The following TAFA1 variants were observed in gnomAD, a reference collection of about 807,000 sequenced individuals.
TAFA1 encodes the protein TAFA chemokine like family member 1, also known as chemokine-like protein TAFA-1.
In TAFA1, 4 loss-of-function variants were observed where a neutral mutation model predicts 18.5. The ratio of observed to expected loss-of-function variants is 0.22; its 90% CI spans 0.11 to 0.49. The LOEUF (loss-of-function observed/expected upper bound fraction) is 0.49, where lower values mean the gene tolerates loss of function less well. TAFA1 is among the 20% of genes least tolerant of loss of function. The pLI, the probability that TAFA1 is intolerant of heterozygous loss-of-function variation, is 0.98. For synonymous variants in TAFA1, 56 were observed against 55.2 expected, an observed-to-expected ratio of 1.01 and a Z score of -0.06; for missense variants, 147 against 169.0, an observed-to-expected ratio of 0.87 and a Z score of 0.72.
At chr3:68,183,712 C>T (rs2066234787) in intron 2 of TAFA1, among the ~76,000 whole-genome samples, 1 of 152,078 alleles carries the variant, frequency 6.6e-6, no homozygotes, top group Non-Finnish European at 1.5e-5. Context: ...TGGTGATTTC[C>T]AACCCACTTT....
intron 2 of TAFA1, among the ~76,000 whole-genome samples, chr3:68,249,824 AAGG>A (rs1385858741): frequency 1.3e-5 from 2 of 152,180 alleles, no homozygotes; most frequent in African/African-American, 4.8e-5. Flanking sequence ...AAGCCCTGAC[AAGG>A]AGATTTGTTG....
chr3:68,496,230 A>G (rs1000610701), intron 3 of TAFA1, among the ~76,000 whole-genome samples: 8 of 152,198 alleles, frequency 5.3e-5, no homozygotes, highest in Non-Finnish European at 1.2e-4. Context: ...ATAGTTGCCA[A>G]GATGGCCTTC....
At chr3:68,098,045 C>A (rs1424252582) in intron 2 of TAFA1, among the ~76,000 whole-genome samples, 1 of 152,150 alleles carries the variant, frequency 6.6e-6, no homozygotes, top group Non-Finnish European at 1.5e-5. Flanking sequence ...TGTTAGTGAC[C>A]AGCACATGAT....
chr3:68,244,076 A>T (rs1011580494), intron 2 of TAFA1, among the ~76,000 whole-genome samples: 1 of 152,170 alleles, frequency 6.6e-6, no homozygotes, highest in Non-Finnish European at 1.5e-5. Context: ...GTTGCCATAG[A>T]AATATCCTTT....
intron 2 of TAFA1, among the ~76,000 whole-genome samples, chr3:68,321,626 G>A (rs1005749958): frequency 1.3e-5 from 2 of 152,140 alleles, no homozygotes; most frequent in Non-Finnish European, 2.9e-5. Context: ...CTGCGTGCTT[G>A]CTAAGTATTT....
At chr3:68,223,607 G>T in intron 2 of TAFA1, among the ~76,000 whole-genome samples, 1 of 151,728 alleles carries the variant, frequency 6.6e-6, no homozygotes, top group South Asian at 2.1e-4. Context: ...CTACAGAGAG[G>T]CACAATATGC....
chr3:68,520,280 G>C (rs1272643557), intron 3 of TAFA1, among the ~76,000 whole-genome samples: 1 of 152,188 alleles, frequency 6.6e-6, no homozygotes, highest in Non-Finnish European at 1.5e-5. Context: ...GGCTCAAGTA[G>C]AGATAGATTT....
At chr3:68,249,771 A>G (rs777234591) in intron 2 of TAFA1, among the ~76,000 whole-genome samples, 51 of 152,182 alleles carry the variant, frequency 3.4e-4, no homozygotes, top group Non-Finnish European at 7.1e-4. Flanking sequence ...GAATTAAATT[A>G]AGGCTGCTAA....
intron 2 of TAFA1, among the ~76,000 whole-genome samples, chr3:68,339,581 G>C (rs2069045017): frequency 6.6e-6 from 1 of 152,118 alleles, no homozygotes; most frequent in Non-Finnish European, 1.5e-5. Context: ...TTATTTGGTA[G>C]AGCTGTGACT....
intron 3 of TAFA1, among the ~76,000 whole-genome samples, chr3:68,517,522 A>G (rs1484719440): frequency 6.6e-6 from 1 of 152,094 alleles, no homozygotes; most frequent in Non-Finnish European, 1.5e-5. Flanking sequence ...ATGTGTAGTC[A>G]AGTGGTCTGT....
chr3:68,328,890 A>G (rs1241102399), intron 2 of TAFA1, among the ~76,000 whole-genome samples: 2 of 152,158 alleles, frequency 1.3e-5, no homozygotes, highest in African/African-American at 4.8e-5. Flanking sequence ...GTAAACCAAG[A>G]GGAGTGATTT....
At chr3:68,167,517 T>C (rs143890900) in intron 2 of TAFA1, among the ~76,000 whole-genome samples, 2,682 of 143,964 alleles carry the variant, frequency 0.019, 91 homozygotes, top group African/African-American at 0.066. Flanking sequence ...GCGGAGCTTG[T>C]AGTGAGCCGA....
At chr3:68,142,258 A>G (rs1356216957) in intron 2 of TAFA1, among the ~76,000 whole-genome samples, 2 of 152,240 alleles carry the variant, frequency 1.3e-5, no homozygotes, top group East Asian at 1.9e-4. Context: ...TCTCTATTGC[A>G]TATGGGAAAA....
chr3:68,024,805 G>GCACACACACACACACACACACACACA (rs3037727), intron 2 of TAFA1, among the ~76,000 whole-genome samples: 2 of 73,582 alleles, frequency 2.7e-5, no homozygotes, highest in Non-Finnish European at 5.7e-5. Context: ...TCTCCTTAAT[G>GCACACACACACACACACACACACACA]CACACACACA....
At chr3:68,259,684 G>A (rs1436021407) in intron 2 of TAFA1, among the ~76,000 whole-genome samples, 8 of 151,534 alleles carry the variant, frequency 5.3e-5, no homozygotes, top group South Asian at 2.1e-4. Context: ...TAGGTATTTT[G>A]TTCTCTTTGA....
intron 2 of TAFA1, among the ~76,000 whole-genome samples, chr3:68,371,402 G>C (rs556027593): frequency 6.6e-6 from 1 of 151,934 alleles, no homozygotes; most frequent in Non-Finnish European, 1.5e-5. Flanking sequence ...ACGGGCCCCA[G>C]TGTGTGATGT....
At chr3:68,356,926 A>G (rs1428702562) in intron 2 of TAFA1, among the ~76,000 whole-genome samples, 1 of 151,960 alleles carries the variant, frequency 6.6e-6, no homozygotes, top group Non-Finnish European at 1.5e-5. Flanking sequence ...TAGCACAGCT[A>G]GTATCTGGAC....
intron 2 of TAFA1, among the ~76,000 whole-genome samples, chr3:68,125,393 T>G (rs1404489479): frequency 6.6e-6 from 1 of 152,248 alleles, no homozygotes; most frequent in East Asian, 1.9e-4. Flanking sequence ...CAAGTGCTAC[T>G]GCTGCTCGTT....
At chr3:68,307,287 A>G (rs1266611973) in intron 2 of TAFA1, among the ~76,000 whole-genome samples, 1 of 152,222 alleles carries the variant, frequency 6.6e-6, no homozygotes, top group Non-Finnish European at 1.5e-5. Flanking sequence ...AAATTATTTT[A>G]TTAACTTAAA....
Sources: gnomAD v4.1 joint callset for allele counts (sites outside exome capture counted in the v4.1 genomes callset) on GRCh38, gnomAD v4.1.1 for gene constraint, MANE v1.5 for transcripts, NCBI Gene and HGNC (gene_info 2026-07-23, HGNC 2026-07-21) for gene names.